Variants in ITSN1 observed in about 807,000 individuals in gnomAD.
ITSN1 encodes intersectin-1.
Under a neutral mutation model 239.8 loss-of-function variants are expected in ITSN1, and 58 were observed. The ratio of observed to expected loss-of-function variants is 0.24; its 90% CI spans 0.20 to 0.30. The LOEUF (loss-of-function observed/expected upper bound fraction) is 0.30. Among genes scored for constraint, ITSN1 ranks in the 10% least tolerant of loss-of-function variants. ITSN1 has a pLI of 1.00. For missense variants in ITSN1, 1,558 were observed against 2,103.3 expected (o/e 0.74, Z 5.07); for synonymous variants, 780 against 770.8 (o/e 1.01, Z -0.20).
At position 33,794,435 on chromosome 21, in the gene ITSN1, T is replaced by C. The variant is rs761478455; in HGVS notation, c.1919T>C (p.Ile640Thr). ...CAGAAAGAACAAGAACGAAAGATCA[T>C]AGAATTAGAAAAACAAAAAGAAGAA... ...LKQKEQERKI[I>T]ELEKQKEEAQ... Residue 640 changes from isoleucine (I) to threonine (T), a missense_variant, in exon 17 of 40, where the codon ATA becomes ACA. Ile to Thr is a moderately conservative substitution (Grantham distance 89, BLOSUM62 -1). Coordinates refer to ENST00000381318, the MANE Select transcript of ITSN1 (RefSeq NM_003024.3). The C allele has an allele frequency of 2.5e-6, 4 of 1,613,328 alleles. No individual in the cohort carries two copies. In the South Asian group the frequency reaches 3.3e-5, roughly 13 times the overall value.
At position 33,690,781 on chromosome 21, in the gene ITSN1, A is replaced by G. The variant is rs866294256; in HGVS notation, c.-32-28016A>G. Among the ~76,000 whole-genome samples, 55 of 14,760 alleles carry G rather than the reference A, an allele frequency of 3.7e-3. 1 individual carries two copies. Among genetic ancestry groups the G allele is most frequent in the African/African-American group, 0.024 (40 of 1,688 alleles). The allele number at this position is 14,760 out of a possible 152,430, so 9.7% of individuals were successfully genotyped here. On this transcript the variant is annotated intron_variant, in intron 1 of 39. Coordinates refer to ENST00000381318, the MANE Select transcript of ITSN1 (RefSeq NM_003024.3). ...GCCTCAGAAAAAAAAAAGTGTATAT[A>G]TATATATACATATATATATATATAT...
intron 5 of ITSN1, among the ~76,000 whole-genome samples, chr21:33,746,459 C>A (rs1487205943): frequency 6.6e-6 from 1 of 152,104 alleles, no homozygotes; most frequent in East Asian, 1.9e-4. Context: ...GGAAATGAAT[C>A]AACAGACAGA....
intron 16 of ITSN1, among the ~76,000 whole-genome samples, chr21:33,791,611 A>G (rs1385956215): frequency 6.6e-6 from 1 of 152,154 alleles, no homozygotes; most frequent in Non-Finnish European, 1.5e-5. Flanking sequence ...ATGTATTACT[A>G]GCTTTACTTA....
intron 1 of ITSN1, among the ~76,000 whole-genome samples, chr21:33,700,348 G>A (rs2091956574): frequency 6.6e-6 from 1 of 152,170 alleles, no homozygotes; most frequent in Non-Finnish European, 1.5e-5. Flanking sequence ...GCTTCCCAAA[G>A]TGCTGGGATT....
chr21:33,680,153 T>C (rs1317077870), intron 1 of ITSN1, among the ~76,000 whole-genome samples: 1 of 152,122 alleles, frequency 6.6e-6, no homozygotes, highest in Non-Finnish European at 1.5e-5. Flanking sequence ...TTAAGAAAAA[T>C]AACTTCTAGT....
intron 29 of ITSN1, chr21:33,838,239 C>A (rs1319243055): frequency 5.9e-5 from 58 of 985,226 alleles, no homozygotes; most frequent in Non-Finnish European, 6.6e-5. Context: ...AGCTGTCCTC[C>A]TAAAGACTCT....
At chr21:33,730,385 GTTCTTT>G (rs2066097713) in intron 4 of ITSN1, among the ~76,000 whole-genome samples, 1 of 75,842 alleles carries the variant, frequency 1.3e-5, no homozygotes, top group Non-Finnish European at 2.7e-5. Context: ...AATGCTCTCT[GTTCTTT>G]TTTTTTTTTT....
At chr21:33,711,136 G>A (rs1013576668) in intron 1 of ITSN1, among the ~76,000 whole-genome samples, 2 of 152,066 alleles carry the variant, frequency 1.3e-5, no homozygotes, top group African/African-American at 4.8e-5. Flanking sequence ...TCACATTCTC[G>A]TATCAATTTT....
chr21:33,879,707 T>C (rs2148548397), intron 34 of ITSN1, among the ~76,000 whole-genome samples: 1 of 151,910 alleles, frequency 6.6e-6, no homozygotes, highest in African/African-American at 2.4e-5. Context: ...TGAGACAGAG[T>C]CTCACTCTCT....
In ITSN1 at chr21:33,874,178, A is replaced by AAAG. The variant is rs750088086; in HGVS notation, c.4174-1176_4174-1175insAAG. On this transcript the variant is annotated intron_variant, in intron 33 of 39. Coordinates refer to ENST00000381318, the MANE Select transcript of ITSN1 (RefSeq NM_003024.3). Reference sequence around the variant, plus strand: ...TCTCAAAAAAAAAAAAAAAAAAAAAAGAACATTTATATAACCAACCCAAAT... The same window carrying AAAG: ...TCTCAAAAAAAAAAAAAAAAAAAAAAAAGGAACATTTATATAACCAACCCAAAT... Among the ~76,000 whole-genome samples the AAAG allele has an allele frequency of 2.0e-3, 261 of 130,752 alleles. 15 individuals are homozygous for AAAG. The highest frequency in any genetic ancestry group is 2.2e-3 in the Non-Finnish European group (138 of 61,740). 85.8% of individuals were successfully genotyped at this position (130,752 alleles called of 152,430 possible).
chr21:33,745,091 C>T lies in ITSN1; in HGVS notation c.347-5052C>T, dbSNP rs146264778. Among the ~76,000 whole-genome samples, 19 of 152,248 alleles carry T rather than the reference C, an allele frequency of 1.2e-4. No homozygotes were observed. The East Asian group carries it at 2.7e-3, about 22-fold the overall frequency. On this transcript the variant is annotated intron_variant, in intron 5 of 39. Transcript: ENST00000381318. ...CTCCCCATAAATGAATAAATATAGGCGTTAAGCATCAATGACTGCCAAGAT... is the reference window on the plus strand; with the variant it reads ...CTCCCCATAAATGAATAAATATAGGTGTTAAGCATCAATGACTGCCAAGAT...
chr21:33,776,006 A>G (rs1446761932), intron 14 of ITSN1, among the ~76,000 whole-genome samples: 2 of 152,124 alleles, frequency 1.3e-5, no homozygotes, highest in African/African-American at 4.8e-5. Context: ...TTTTCTCAGC[A>G]TGATGTTTTT....
At chr21:33,820,149 AT>A (rs2073575429) in intron 24 of ITSN1, among the ~76,000 whole-genome samples, 1 of 151,870 alleles carries the variant, frequency 6.6e-6, no homozygotes, top group African/African-American at 2.4e-5. Context: ...AAAAAAAAAA[AT>A]CATTTTGAGT....
At chr21:33,823,415 C>A in intron 24 of ITSN1, 72 bp from the exon 25 acceptor site, 1 of 1,409,188 alleles carries the variant, frequency 7.1e-7, no homozygotes, top group Non-Finnish European at 9.8e-7. Flanking sequence ...CGTAAACTTG[C>A]TTTTGCAAAG....
intron 1 of ITSN1, among the ~76,000 whole-genome samples, chr21:33,700,873 T>G (rs558788711): frequency 6.6e-6 from 1 of 152,274 alleles, no homozygotes; most frequent in Admixed American, 6.5e-5. Flanking sequence ...AAGCCTAGAT[T>G]AGCCTATTTT....
At chr21:33,814,793 G>A (rs908040101) in intron 22 of ITSN1, among the ~76,000 whole-genome samples, 3 of 152,132 alleles carry the variant, frequency 2.0e-5, no homozygotes, top group African/African-American at 4.8e-5. Context: ...CCACCAGTCA[G>A]GGGGCTGTTG....
chr21:33,752,499 A>C (rs898498578), intron 7 of ITSN1, among the ~76,000 whole-genome samples: 5 of 152,124 alleles, frequency 3.3e-5, no homozygotes, highest in Non-Finnish European at 7.4e-5. Context: ...CCTTGGTTTC[A>C]ATTATTACCT....
intron 17 of ITSN1, among the ~76,000 whole-genome samples, chr21:33,796,424 C>T (rs997093913): frequency 1.3e-5 from 2 of 152,144 alleles, no homozygotes; most frequent in Admixed American, 6.5e-5. Flanking sequence ...ATATCACATT[C>T]ATACAGAGTA....
intron 12 of ITSN1, 143 bp from the exon 13 acceptor site, chr21:33,774,586 T>C (rs1367099223): frequency 4.4e-6 from 3 of 687,528 alleles, no homozygotes; most frequent in East Asian, 2.7e-5. Context: ...TTTTATGTAA[T>C]TTTTTGTTTT....
Sources: allele counts gnomAD v4.1 joint callset (sites outside exome capture counted in the v4.1 genomes callset), GRCh38; gene constraint gnomAD v4.1.1; transcripts MANE v1.5; gene names NCBI Gene and HGNC (gene_info 2026-07-23, HGNC 2026-07-21).